Variants in FLNB observed in about 807,000 individuals in gnomAD.
The protein encoded by FLNB is filamin-B.
In FLNB, 111 loss-of-function variants were observed where a neutral mutation model predicts 250.6. The observed-to-expected ratio is 0.44, with a 90% CI of 0.38 to 0.52. The LOEUF is 0.52. FLNB is among the 20% of genes least tolerant of loss of function. The pLI, the probability that FLNB is intolerant of heterozygous loss-of-function variation, is 0.00. For synonymous variants in FLNB, 1,302 were observed against 1,372.1 expected (o/e 0.95, Z 1.13); for missense variants, 2,869 against 3,447.8 (o/e 0.83, Z 4.20).
chr3:58,134,954 T>G (rs1215046911), intron 27 of FLNB, among the ~76,000 whole-genome samples, 182 bp downstream of exon 27: 1 of 152,210 alleles, frequency 6.6e-6, no homozygotes, highest in Non-Finnish European at 1.5e-5. Context: ...GATTTGAGGG[T>G]GTAGCTCCAA....
intron 1 of FLNB, among the ~76,000 whole-genome samples, chr3:58,028,569 C>T (rs2097126517): frequency 2.0e-5 from 3 of 149,798 alleles, no homozygotes; most frequent in African/African-American, 7.4e-5. Context: ...CCAGCCTGGG[C>T]AACATGGGAG....
chr3:58,125,997 G>T (rs2097297163), intron 23 of FLNB, among the ~76,000 whole-genome samples: 1 of 152,198 alleles, frequency 6.6e-6, no homozygotes, highest in African/African-American at 2.4e-5. Flanking sequence ...GTAAAAATTT[G>T]TAGCCAACCT....
intron 1 of FLNB, among the ~76,000 whole-genome samples, chr3:58,023,202 G>A (rs2097116981): frequency 1.4e-5 from 2 of 147,232 alleles, no homozygotes; most frequent in Non-Finnish European, 1.5e-5. Flanking sequence ...GGGTTCAAGT[G>A]ATTCTCCTGC....
intron 1 of FLNB, among the ~76,000 whole-genome samples, chr3:58,041,873 G>C (rs9847392): frequency 0.041 from 6,193 of 152,256 alleles, 409 homozygotes; most frequent in African/African-American, 0.14. Flanking sequence ...CCCAGCCACA[G>C]AATTTAACTG....
At chr3:58,058,820 C>A (rs1024581343) in intron 1 of FLNB, among the ~76,000 whole-genome samples, 3 of 152,174 alleles carry the variant, frequency 2.0e-5, no homozygotes, top group Admixed American at 6.5e-5. Flanking sequence ...TGTTTATTGC[C>A]TGTGTCTCAT....
chr3:58,141,866 T>TG lies in FLNB; in HGVS notation c.5122dup (p.Glu1708GlyfsTer31), dbSNP rs1325298848. 3.1e-6 allele frequency: 5 copies of TG among 1,614,120 alleles called. No individual in the cohort carries two copies. The East Asian group carries it at 1.1e-4, about 36-fold the overall frequency. On this transcript the variant is annotated frameshift_variant, in exon 30 of 46. Coordinates refer to ENST00000295956, the MANE Select transcript of FLNB (RefSeq NM_001457.4). LOFTEE classifies it high-confidence loss of function. ...CATTTGCCACTGACCAGGCCACAGA[T>TG]GGGGAAGTCACAGCCGTGGAGGAGG...
At position 58,095,283 on chromosome 3, in the gene FLNB, C is replaced by T. The variant is rs184801232; in HGVS notation, c.906+329C>T. 6.3e-4 allele frequency among the ~76,000 whole-genome samples: 87 copies of T among 137,944 alleles called. 1 individual carries two copies. The highest frequency in any genetic ancestry group is 1.5e-4 in the Admixed American group (2 of 13,388). 90.5% of individuals were successfully genotyped at this position (137,944 alleles called of 152,430 possible). On this transcript the variant is annotated intron_variant, in intron 5 of 45. Transcript: ENST00000295956. Reference sequence around the variant, plus strand: ...GAGACAGAGTTTCACTCCTGTTGCCCGGGTTGGAGTGCAGTGGCACAATCT... The same window carrying T: ...GAGACAGAGTTTCACTCCTGTTGCCTGGGTTGGAGTGCAGTGGCACAATCT...
At chr3:58,067,803 C>G (rs1255767128) in intron 1 of FLNB, among the ~76,000 whole-genome samples, 2 of 152,086 alleles carry the variant, frequency 1.3e-5, no homozygotes, top group Non-Finnish European at 2.9e-5. Flanking sequence ...GTCTGGATCT[C>G]TGACCTCGTG....
At chr3:58,112,768 T>C (rs1032770862) in intron 18 of FLNB, among the ~76,000 whole-genome samples, 1 of 152,230 alleles carries the variant, frequency 6.6e-6, no homozygotes, top group Non-Finnish European at 1.5e-5. Flanking sequence ...GTTTCCTTCC[T>C]GGTCCTTTTA....
chr3:58,056,919 A>G (rs1000899248), intron 1 of FLNB, among the ~76,000 whole-genome samples: 1 of 152,006 alleles, frequency 6.6e-6, no homozygotes, highest in Admixed American at 6.6e-5. Context: ...ATTGACTGTA[A>G]TTTCTCAGCA....
rs767876280 is a variant in FLNB, at chr3:58,146,949, A to G, written c.5684A>G (p.Asn1895Ser). Reference protein sequence around the residue: ...PGDYSILVKYNDKHIPGSPFT... With the variant: ...PGDYSILVKYSDKHIPGSPFT... ...GACTACAGCATTCTGGTCAAGTACA[A>G]TGACAAGCACATCCCTGGCAGCCCC... Residue 1895 changes from asparagine to serine, a missense_variant, in exon 34 of 46, where the codon AAT (asparagine) becomes AGT (serine). By Grantham distance (46) the Asn-to-Ser change is conservative (BLOSUM62 1). Transcript: ENST00000295956. 29 of 1,614,078 alleles carry G rather than the reference A, an allele frequency of 1.8e-5. No individual in the cohort carries two copies. Among genetic ancestry groups the G allele is most frequent in the Non-Finnish European group, 2.5e-5 (29 of 1,180,046 alleles).
chr3:58,114,695 TG>T (rs1382235612), intron 18 of FLNB, among the ~76,000 whole-genome samples: 5 of 135,140 alleles, frequency 3.7e-5, no homozygotes, highest in African/African-American at 1.3e-4. Context: ...TGCTAACATT[TG>T]TTTTTTTTCT....
Position 58,121,454 on chromosome 3 carries a change from C to T in FLNB, c.3077C>T (p.Pro1026Leu), listed in dbSNP as rs771702406. The T allele has an allele frequency of 3.1e-6, 5 of 1,613,984 alleles. No homozygotes were observed. Among genetic ancestry groups the T allele is most frequent in the Non-Finnish European group, 4.2e-6 (5 of 1,180,024 alleles). The change falls in exon 20 of 46, where the codon CCC (proline) becomes CTC (leucine). Residue 1026 changes from proline to leucine, a missense_variant. Around this residue, in one of 5 missense-constraint regions of FLNB, gnomAD observed 1,348 missense variants for 1,466.7 expected, o/e 0.92. Transcript: ENST00000295956. ...GTGACCTACGATGGACACCCTGTGCCCGGGAGCCCCTACACAGTGGAGGCC... is the reference window on the plus strand; with the variant it reads ...GTGACCTACGATGGACACCCTGTGCTCGGGAGCCCCTACACAGTGGAGGCC... ...VDVTYDGHPV[P>L]GSPYTVEASL...
At chr3:58,163,911 G>A (rs1006639473) in intron 43 of FLNB, 3 of 154,052 alleles carry the variant, frequency 1.9e-5, no homozygotes, top group Non-Finnish European at 2.9e-5. Context: ...GTTTGATTAT[G>A]AAAGATACAG....
At position 58,148,258 on chromosome 3, in the gene FLNB, G is replaced by A; in HGVS notation, c.5781G>A (p.Leu1927=). Residue 1927 remains leucine, a synonymous_variant, in exon 35 of 46, where the codon CTG becomes CTA. Coordinates refer to ENST00000295956, the MANE Select transcript of FLNB (RefSeq NM_001457.4). The part of the protein sequence containing the change: ...QVKLGSAADF[L]LDISETDLSS... The stretch of plus-strand genomic sequence containing the variant: ...AGTTGGGCTCAGCCGCTGACTTCCT[G>A]CTCGACATCAGTGAGACTGACCTCA... 3.1e-6 allele frequency: 5 copies of A among 1,614,196 alleles called. No individual in the cohort carries two copies. Among genetic ancestry groups the A allele is most frequent in the Non-Finnish European group, 4.2e-6 (5 of 1,180,038 alleles).
chr3:58,077,969 A>T lies in FLNB; in HGVS notation c.541+675A>T, dbSNP rs562126533. The stretch of plus-strand genomic sequence containing the variant: ...CACACCCCCTAAAGTTGATTTTAAT[A>T]AAAAAAAAAGGTATTAATCATATTT... On this transcript the variant is annotated intron_variant, in intron 2 of 45. Coordinates refer to ENST00000295956, the MANE Select transcript of FLNB (RefSeq NM_001457.4). Among the ~76,000 whole-genome samples the T allele has an allele frequency of 5.6e-4, 82 of 146,364 alleles. 1 individual carries two copies. The highest frequency in any genetic ancestry group is 5.9e-4 in the East Asian group (3 of 5,106).
intron 1 of FLNB, among the ~76,000 whole-genome samples, chr3:58,043,962 T>A (rs1231096293): frequency 1.3e-5 from 2 of 152,206 alleles, no homozygotes; most frequent in South Asian, 2.1e-4. Flanking sequence ...CCATGGTTTC[T>A]TGTCTTCCTG....
chr3:58,153,991 G>A (rs1037800342), intron 39 of FLNB, among the ~76,000 whole-genome samples: 2 of 152,218 alleles, frequency 1.3e-5, no homozygotes, highest in Admixed American at 6.5e-5. Context: ...CTGACTGTAA[G>A]CATCCTTTCC....
chr3:58,029,608 G>A (rs139591850), intron 1 of FLNB, among the ~76,000 whole-genome samples: 3 of 151,836 alleles, frequency 2.0e-5, no homozygotes, highest in East Asian at 3.9e-4. Context: ...GGTGTCAAGC[G>A]ATTCTCCTGC....
Sources: allele counts gnomAD v4.1 joint callset (sites outside exome capture counted in the v4.1 genomes callset), GRCh38; gene constraint gnomAD v4.1.1; regional missense constraint gnomAD v4.1.1; transcripts MANE v1.5; gene names NCBI Gene and HGNC (gene_info 2026-07-23, HGNC 2026-07-21).